Variants in FGD5 observed in about 807,000 individuals in gnomAD.
FGD5 encodes FYVE, RhoGEF and PH domain containing 5.
Under a neutral mutation model 133.4 loss-of-function variants are expected in FGD5, and 28 were observed. The observed-to-expected ratio is 0.21, with a 90% confidence interval of 0.16 to 0.29. FGD5 has a LOEUF of 0.29. Ranked by LOEUF, FGD5 falls within the 10% of genes least tolerant of loss-of-function variation. The pLI is 1.00. For synonymous variants in FGD5, 810 were observed against 776.5 expected (o/e 1.04, Z -0.72); for missense variants, 1,858 against 1,895.2 (o/e 0.98, Z 0.36).
intron 17 of FGD5, among the ~76,000 whole-genome samples, chr3:14,925,792 G>A (rs1285980858): frequency 6.6e-6 from 1 of 152,188 alleles, no homozygotes; most frequent in Non-Finnish European, 1.5e-5. Flanking sequence ...CTTGAGTTGA[G>A]GGGCTTAGGT....
At chr3:14,925,990 A>G (rs1332512885) in intron 17 of FGD5, 80 bp from the exon 18 acceptor site, 22 of 1,570,118 alleles carry the variant, frequency 1.4e-5, no homozygotes, top group Non-Finnish European at 1.8e-5. Context: ...AATGGTTTGC[A>G]GTGTCATTTT....
Position 14,898,795 on chromosome 3 carries a change from A to G in FGD5, c.3123A>G (p.Gln1041=). The G allele has an allele frequency of 6.3e-7, 1 of 1,582,490 alleles. No individual in the cohort carries two copies. Among genetic ancestry groups the G allele is most frequent in the South Asian group, 1.2e-5 (1 of 86,280 alleles). The part of the protein sequence containing the change: ...TAKHRLLRVV[Q]RLFQYQVLLT... ...AGCATCGGCTGCTGCGGGTGGTTCA[A>G]CGCCTCTTCCAGTACCAAGTGCTCC... Residue 1041 remains glutamine, a synonymous_variant, in exon 7 of 20, where the codon CAA becomes CAG. Transcript: ENST00000285046.
At chr3:14,854,597 G>A (rs1417645945) in intron 1 of FGD5, among the ~76,000 whole-genome samples, 2 of 151,658 alleles carry the variant, frequency 1.3e-5, no homozygotes, top group East Asian at 1.9e-4. Context: ...TTAATTTTTT[G>A]TAGGTATGGG....
chr3:14,850,787 G>C (rs183354068), intron 1 of FGD5, among the ~76,000 whole-genome samples: 5 of 152,016 alleles, frequency 3.3e-5, no homozygotes, highest in Non-Finnish European at 5.9e-5. Flanking sequence ...ACCTTGGTTG[G>C]GGGGGCAGTG....
At chr3:14,810,749 C>T (rs1187993455), upstream of FGD5, 2 of 945,888 alleles carry the variant, frequency 2.1e-6, no homozygotes, top group Non-Finnish European at 2.5e-6. Flanking sequence ...CCAGGGGGTG[C>T]GGGCCCCGCG....
intron 2 of FGD5, among the ~76,000 whole-genome samples, chr3:14,876,583 A>G (rs2125114452): frequency 6.6e-6 from 1 of 152,360 alleles, no homozygotes; most frequent in East Asian, 1.9e-4. Context: ...AGAAAAAACA[A>G]AAGAGTGACA....
chr3:14,897,280 CGTT>C (rs1372965376), intron 4 of FGD5: 3 of 540,110 alleles, frequency 5.6e-6, no homozygotes, highest in Non-Finnish European at 9.7e-6. Flanking sequence ...CTGTGCCAGG[CGTT>C]GGGTTGGGTG....
intron 1 of FGD5, among the ~76,000 whole-genome samples, chr3:14,831,765 C>G (rs1273375262): frequency 6.6e-6 from 1 of 152,176 alleles, no homozygotes; most frequent in Non-Finnish European, 1.5e-5. Flanking sequence ...CCAAGATCAG[C>G]TAGTACTCTA....
intron 2 of FGD5, among the ~76,000 whole-genome samples, chr3:14,867,480 C>A (rs1178350051): frequency 6.6e-6 from 1 of 152,178 alleles, no homozygotes; most frequent in Non-Finnish European, 1.5e-5. Flanking sequence ...AAAAGGTTTT[C>A]TGAAGGGTAG....
At chr3:14,877,705 A>G (rs1444519784) in intron 2 of FGD5, among the ~76,000 whole-genome samples, 1 of 152,092 alleles carries the variant, frequency 6.6e-6, no homozygotes, top group African/African-American at 2.4e-5. Context: ...GCAGAGGGGC[A>G]AGCCCAGGCT....
chr3:14,894,623 C>T (rs1234130373), intron 4 of FGD5, among the ~76,000 whole-genome samples: 3 of 150,926 alleles, frequency 2.0e-5, no homozygotes, highest in Non-Finnish European at 2.9e-5. Context: ...TCAAGCGATC[C>T]TCCTGCCTCA....
intron 1 of FGD5, among the ~76,000 whole-genome samples, chr3:14,844,223 T>A (rs1196406443): frequency 0.11 from 1,188 of 10,418 alleles, 81 homozygotes; most frequent in Non-Finnish European, 0.13. Context: ...AAAAAATATA[T>A]ATATATATAT....
rs1367811616 is a variant in FGD5 at position 14,932,448 on chromosome 3, G to A, written c.4198-129G>A. The A allele has an allele frequency of 1.6e-5, 17 of 1,034,574 alleles. No homozygotes were observed. In the East Asian group the frequency reaches 3.8e-4, roughly 23 times the overall value. 64.1% of individuals were successfully genotyped at this position (1,034,574 alleles called of 1,614,324 possible). ...AAGCGAGGGTCAACAGTTTGTGTGT[G>A]GTGAGCCCGAAGGTGCCAAAGCACA... is the stretch of plus-strand genomic sequence containing the variant. On this transcript the variant is annotated intron_variant, in intron 18 of 19. Transcript: ENST00000285046.
At chr3:14,873,317 A>G (rs979608420) in intron 2 of FGD5, among the ~76,000 whole-genome samples, 1 of 152,162 alleles carries the variant, frequency 6.6e-6, no homozygotes, top group African/African-American at 2.4e-5. Flanking sequence ...TGTGAACTAA[A>G]CCATGAGCAG....
chr3:14,907,316 G>A (rs545141722), intron 9 of FGD5, among the ~76,000 whole-genome samples: 4 of 152,356 alleles, frequency 2.6e-5, no homozygotes, highest in Non-Finnish European at 4.4e-5. Context: ...CCAGCCTTGG[G>A]TCCGATGAAG....
intron 1 of FGD5, among the ~76,000 whole-genome samples, chr3:14,855,339 A>G (rs1391832692): frequency 6.6e-6 from 1 of 150,916 alleles, no homozygotes; most frequent in Non-Finnish European, 1.5e-5. Flanking sequence ...TGTCTCCTCC[A>G]TATACTGATT....
At position 14,819,601 on chromosome 3, in the gene FGD5, G is replaced by T. The variant is rs56184138; in HGVS notation, c.530G>T (p.Ser177Ile). 5 of 1,551,380 alleles carry T rather than the reference G, an allele frequency of 3.2e-6. No homozygotes were observed. In the African/African-American group the frequency reaches 4.1e-5, roughly 13 times the overall value. ...EKLVQPHREC[S>I]LEDSGPWAGE... ...CTAGTGCAGCCACACAGGGAGTGCAGCCTGGAGGACAGTGGGCCTTGGGCT... is the reference window on the plus strand; with the variant it reads ...CTAGTGCAGCCACACAGGGAGTGCATCCTGGAGGACAGTGGGCCTTGGGCT... The change falls in exon 1 of 20, where the codon AGC becomes ATC. Residue 177 changes from serine (S) to isoleucine (I), a missense_variant. Physicochemically the swap from Ser to Ile is moderately radical, Grantham distance 142. Transcript: ENST00000285046. This position sits in a 1 kb window ranked among gnomAD's most constrained non-coding sequence, Gnocchi z 4.1.
chr3:14,821,779 C>T (rs2036509408), intron 1 of FGD5, among the ~76,000 whole-genome samples, 183 bp downstream of exon 1: 1 of 152,148 alleles, frequency 6.6e-6, no homozygotes, highest in Non-Finnish European at 1.5e-5. Context: ...AAATGGGACT[C>T]ATGCTACCTC....
At chr3:14,845,716 T>TC (rs1224089593) in intron 1 of FGD5, among the ~76,000 whole-genome samples, 4 of 152,116 alleles carry the variant, frequency 2.6e-5, no homozygotes, top group Non-Finnish European at 5.9e-5. Flanking sequence ...TTCATAGTCA[T>TC]CCCCCCACAG....
Sources: allele counts gnomAD v4.1 joint callset (sites outside exome capture counted in the v4.1 genomes callset), GRCh38; gene constraint gnomAD v4.1.1; non-coding constraint Gnocchi (gnomAD v3.1); transcripts MANE v1.5; gene names NCBI Gene and HGNC (gene_info 2026-07-23, HGNC 2026-07-21).